ANO6: variants seen among roughly 807,000 people sequenced by gnomAD.
ANO6 encodes the protein anoctamin-6.
A neutral mutation model predicts 117.5 loss-of-function variants in ANO6; 106 were observed. The observed-to-expected ratio is 0.90, with a 90% CI of 0.77 to 1.06. The LOEUF (loss-of-function observed/expected upper bound fraction) is 1.06. ANO6 is among the 50% of genes least tolerant of loss of function. The pLI is 0.00. For missense variants in ANO6, 955 were observed against 1,121.1 expected (o/e 0.85, Z 2.12); for synonymous variants, 367 against 385.1 (o/e 0.95, Z 0.55).
intron 1 of ANO6, among the ~76,000 whole-genome samples, chr12:45,265,076 A>G (rs904479521): frequency 1.3e-5 from 2 of 152,158 alleles, no homozygotes; most frequent in Non-Finnish European, 2.9e-5. Context: ...CCATTCTTAA[A>G]TTAAGGCATT....
intron 1 of ANO6, among the ~76,000 whole-genome samples, chr12:45,235,353 C>G (rs1947629413): frequency 6.6e-6 from 1 of 152,178 alleles, no homozygotes; most frequent in Admixed American, 6.5e-5. Flanking sequence ...ATTGTGCTGT[C>G]TGTTCTAAGT....
chr12:45,361,655 TG>T (rs1941558831), intron 8 of ANO6, among the ~76,000 whole-genome samples: 1 of 152,138 alleles, frequency 6.6e-6, no homozygotes, highest in Admixed American at 6.5e-5. Context: ...TTTATCAGGT[TG>T]GGAAAGTTCT....
chr12:45,391,913 TCTG>T (rs1411249292), intron 12 of ANO6, among the ~76,000 whole-genome samples: 3 of 151,304 alleles, frequency 2.0e-5, no homozygotes, highest in Admixed American at 2.0e-4. Context: ...ACAGCTCCCA[TCTG>T]CTGCTCCCAG....
chr12:45,238,898 ATC>A (rs1947691635), intron 1 of ANO6, among the ~76,000 whole-genome samples: 2 of 152,174 alleles, frequency 1.3e-5, no homozygotes, highest in African/African-American at 4.8e-5. Context: ...AGCTGATTTG[ATC>A]ATGTTGGATA....
intron 1 of ANO6, among the ~76,000 whole-genome samples, chr12:45,247,782 T>C (rs1186907955): frequency 1.3e-5 from 2 of 152,130 alleles, no homozygotes; most frequent in Non-Finnish European, 2.9e-5. Context: ...ACTAATCCCC[T>C]TGTGAGGGCC....
chr12:45,307,089 C>T (rs957194465), intron 2 of ANO6, among the ~76,000 whole-genome samples: 31 of 152,094 alleles, frequency 2.0e-4, no homozygotes, highest in Admixed American at 5.9e-4. Flanking sequence ...ACTTCATAGG[C>T]CATTGTAAAG....
intron 12 of ANO6, among the ~76,000 whole-genome samples, chr12:45,394,430 A>T (rs1269980521): frequency 1.3e-5 from 2 of 152,222 alleles, no homozygotes; most frequent in Non-Finnish European, 2.9e-5. Flanking sequence ...TCAATATTAG[A>T]TCAACAAGAC....
At chr12:45,366,468 G>A (rs893435433) in intron 8 of ANO6, among the ~76,000 whole-genome samples, 23 of 151,968 alleles carry the variant, frequency 1.5e-4, no homozygotes, top group African/African-American at 5.6e-4. Context: ...ATATCCTGTT[G>A]TACCAGACCC....
chr12:45,292,494 A>T (rs1429110783), intron 1 of ANO6, among the ~76,000 whole-genome samples: 2 of 152,332 alleles, frequency 1.3e-5, no homozygotes, highest in East Asian at 1.9e-4. Context: ...ACTGCAATAA[A>T]TTTTTTTAAG....
At chr12:45,337,456 A>G (rs779190733) in intron 3 of ANO6, among the ~76,000 whole-genome samples, 3 of 152,056 alleles carry the variant, frequency 2.0e-5, no homozygotes, top group Non-Finnish European at 4.4e-5. Flanking sequence ...AGGTTTGTGT[A>G]TGTTCATATG....
At chr12:45,291,981 T>A (rs1445647762) in intron 1 of ANO6, among the ~76,000 whole-genome samples, 1 of 152,092 alleles carries the variant, frequency 6.6e-6, no homozygotes, top group Non-Finnish European at 1.5e-5. Flanking sequence ...CCAAAAGAAT[T>A]GAAAACAGGG....
At chr12:45,349,916 C>T (rs1481332197) in intron 6 of ANO6, among the ~76,000 whole-genome samples, 1 of 152,148 alleles carries the variant, frequency 6.6e-6, no homozygotes, top group African/African-American at 2.4e-5. Context: ...TTGACATTTG[C>T]TTTTGGCCAT....
At chr12:45,400,081 C>G (rs1942743019) in intron 12 of ANO6, among the ~76,000 whole-genome samples, 1 of 151,072 alleles carries the variant, frequency 6.6e-6, no homozygotes, top group Admixed American at 6.6e-5. Flanking sequence ...TCTTAGGAGA[C>G]CCCAATTCTT....
chr12:45,265,071 C>A (rs1396050369), intron 1 of ANO6, among the ~76,000 whole-genome samples: 1 of 152,138 alleles, frequency 6.6e-6, no homozygotes, highest in African/African-American at 2.4e-5. Context: ...CAATTCCATT[C>A]TTAAATTAAG....
intron 2 of ANO6, among the ~76,000 whole-genome samples, chr12:45,302,798 G>T (rs960903857): frequency 6.6e-6 from 1 of 152,170 alleles, no homozygotes; most frequent in African/African-American, 2.4e-5. Flanking sequence ...AAGTGTTTCT[G>T]TGACTCATGT....
intron 1 of ANO6, among the ~76,000 whole-genome samples, chr12:45,246,553 A>G (rs1410972226): frequency 6.6e-6 from 1 of 152,218 alleles, no homozygotes; most frequent in Non-Finnish European, 1.5e-5. Context: ...AGATGTAGAG[A>G]GAATTCTGTC....
intron 1 of ANO6, among the ~76,000 whole-genome samples, chr12:45,291,747 A>G (rs1939108164): frequency 6.6e-6 from 1 of 152,130 alleles, no homozygotes; most frequent in African/African-American, 2.4e-5. Context: ...AATCAAAACC[A>G]CAATACCACT....
chr12:45,316,801 T>C (rs12582025), intron 2 of ANO6, among the ~76,000 whole-genome samples: 2,609 of 151,270 alleles, frequency 0.017, 55 homozygotes, highest in East Asian at 0.085. Context: ...TAACATATGA[T>C]GTAAAATTAA....
chr12:45,431,593 T>C lies in ANO6; in HGVS notation c.*2282T>C, dbSNP rs1943634176. 2.0e-6 allele frequency: 2 copies of C among 985,486 alleles called. No individual in the cohort carries two copies. The highest frequency in any genetic ancestry group is 2.4e-6 in the Non-Finnish European group (2 of 829,940). The allele number at this position is 985,486 out of a possible 1,614,324, so 61.0% of individuals were successfully genotyped here. The stretch of plus-strand genomic sequence containing the variant: ...AATGTAATATCTGACACTGTTAAGA[T>C]GCCCAAAAGAGCAAAGTTGTAGTGG... On this transcript the variant is annotated 3_prime_UTR_variant, in exon 20 of 20. Transcript: ENST00000320560.
Sources: gnomAD v4.1 joint callset for allele counts (sites outside exome capture counted in the v4.1 genomes callset) on GRCh38, gnomAD v4.1.1 for gene constraint, MANE v1.5 for transcripts, NCBI Gene and HGNC (gene_info 2026-07-23, HGNC 2026-07-21) for gene names.